The following TRPM2 variants were observed in gnomAD, a reference collection of about 807,000 sequenced individuals.
The protein encoded by TRPM2 is transient receptor potential cation channel subfamily M member 2.
A neutral mutation model predicts 174.0 loss-of-function variants in TRPM2; 161 were observed. The observed-to-expected ratio is 0.93, with a 90% CI of 0.81 to 1.05. The LOEUF is 1.05. TRPM2 is among the 50% of genes least tolerant of loss of function. The probability of loss-of-function intolerance (pLI) is 0.00; values close to 1 mark genes in which losing one functional copy is unlikely to be tolerated. For synonymous variants in TRPM2, 954 were observed against 861.3 expected (o/e 1.11, Z -1.88); for missense variants, 2,057 against 2,038.0 (o/e 1.01, Z -0.18).
intron 7 of TRPM2, among the ~76,000 whole-genome samples, 181 bp downstream of exon 7, chr21:44,377,954 G>A (rs1223213306): frequency 2.0e-5 from 3 of 152,254 alleles, no homozygotes; most frequent in African/African-American, 7.2e-5. Context: ...GGTGGAGGAC[G>A]GGTCGGAGGA....
intron 19 of TRPM2, among the ~76,000 whole-genome samples, chr21:44,407,029 G>A (rs2049914142): frequency 6.7e-6 from 1 of 149,528 alleles, no homozygotes; most frequent in South Asian, 2.1e-4. Context: ...GGCACCTGGG[G>A]CATCAGCTGA....
intron 16 of TRPM2, among the ~76,000 whole-genome samples, chr21:44,404,385 A>ACT (rs1223085309): frequency 6.6e-6 from 1 of 151,618 alleles, no homozygotes; most frequent in Non-Finnish European, 1.5e-5. Flanking sequence ...ATACATACAC[A>ACT]CACATATGTG....
rs571874074 is a variant in TRPM2 at position 44,440,684 on chromosome 21, C to T, written c.4270-105C>T. ...GAGCTGGGCCGGGGTCCTGTGTGTG[C>T]TGGAAGCTGTGCTCAGAGCTGGGTC... On this transcript the variant is annotated intron_variant, in intron 30 of 31. Transcript: ENST00000397928. The T allele has an allele frequency of 9.3e-6, 9 of 967,390 alleles. No homozygotes were observed. The African/African-American group carries it at 9.5e-5, about 10-fold the overall frequency. 59.9% of individuals were successfully genotyped at this position (967,390 alleles called of 1,614,324 possible). A position where few individuals can be genotyped will look rare whatever the true frequency, so the allele number is the denominator to read the frequency against.
At chr21:44,412,487 T>A (rs2050139483) in intron 19 of TRPM2, among the ~76,000 whole-genome samples, 14 of 152,182 alleles carry the variant, frequency 9.2e-5, no homozygotes. Flanking sequence ...TCTCTCTTTT[T>A]TTCCTTGATC....
At position 44,376,668 on chromosome 21, in the gene TRPM2, C is replaced by T. The variant is rs963327299; in HGVS notation, c.952+655C>T. ...AGGTGGGATGGGATGGGTTTGAGGA[C>T]GTCGGGAGGTCAAGTGCGGGGTTTT... On this transcript the variant is annotated intron_variant, in intron 6 of 31. Transcript: ENST00000397928. The surrounding 1 kb of genome is among the most constrained non-coding windows in gnomAD (Gnocchi z 4.2). 4.6e-5 allele frequency among the ~76,000 whole-genome samples: 7 copies of T among 152,090 alleles called. No homozygotes were observed. The highest frequency in any genetic ancestry group is 7.4e-5 in the Non-Finnish European group (5 of 68,012).
rs2048680855 is a variant in TRPM2 at position 44,375,823 on chromosome 21, G to A, written c.772-10G>A. 6.2e-7 allele frequency: 1 copy of A among 1,605,572 alleles called. No individual in the cohort carries two copies. The highest frequency in any genetic ancestry group is 1.7e-5 in the Admixed American group (1 of 59,700). Reference sequence around the variant, plus strand: ...CAGAAGCAGTGTCTGACGCTTCCTGGCCATCCCAGGGCAGCTTCCCCGCCG... The same window carrying A: ...CAGAAGCAGTGTCTGACGCTTCCTGACCATCCCAGGGCAGCTTCCCCGCCG... On this transcript the variant is annotated splice_polypyrimidine_tract_variant and intron_variant, in intron 5 of 31. Coordinates refer to ENST00000397928, the MANE Select transcript of TRPM2 (RefSeq NM_003307.4).
chr21:44,374,458 T>C (rs1355458413), intron 5 of TRPM2, among the ~76,000 whole-genome samples: 9 of 152,188 alleles, frequency 5.9e-5, no homozygotes, highest in Non-Finnish European at 1.5e-5. Flanking sequence ...TTGTGCACTT[T>C]ATTTCTATTA....
rs1185190551 is a variant in TRPM2, at chr21:44,377,712, G to A, written c.953G>A (p.Gly318Asp). 3.7e-6 allele frequency: 6 copies of A among 1,614,138 alleles called. No homozygotes were observed. Among genetic ancestry groups the A allele is most frequent in the Non-Finnish European group, 5.1e-6 (6 of 1,180,038 alleles). Residue 318 changes from glycine to aspartate, a missense_variant and splice_region_variant, in exon 7 of 32, where the codon GGT becomes GAT. Gly to Asp is a moderately conservative substitution (Grantham distance 94). Transcript: ENST00000397928. ...FISEQTKERGGVAIKIPIVCV... is the reference protein window; with the variant it reads ...FISEQTKERGDVAIKIPIVCV... Reference sequence around the variant, plus strand: ...TCACTCGGCTGTGTGCTTTTTCTAGGTGTGGCCATCAAGATCCCCATCGTG... The same window carrying A: ...TCACTCGGCTGTGTGCTTTTTCTAGATGTGGCCATCAAGATCCCCATCGTG...
intron 27 of TRPM2, among the ~76,000 whole-genome samples, chr21:44,433,933 C>T (rs1435892417): frequency 6.6e-6 from 1 of 152,150 alleles, no homozygotes; most frequent in Non-Finnish European, 1.5e-5. Flanking sequence ...AGAGGAGGGG[C>T]TGGGTGGAGG....
intron 7 of TRPM2, among the ~76,000 whole-genome samples, chr21:44,378,492 A>T (rs1012600180): frequency 1.3e-5 from 2 of 152,020 alleles, no homozygotes; most frequent in Non-Finnish European, 2.9e-5. Flanking sequence ...CGTGCCGAGT[A>T]CCCTTCACGG....
intron 2 of TRPM2, among the ~76,000 whole-genome samples, chr21:44,357,379 C>T (rs1186681871): frequency 6.6e-6 from 1 of 152,154 alleles, no homozygotes; most frequent in East Asian, 1.9e-4. Flanking sequence ...CTGGAGGTCC[C>T]CAAAGCCATC....
At chr21:44,402,547 C>T (rs1312664865) in intron 16 of TRPM2, among the ~76,000 whole-genome samples, 1 of 152,172 alleles carries the variant, frequency 6.6e-6, no homozygotes, top group African/African-American at 2.4e-5. Context: ...ACATGGTTGA[C>T]CTCAGTCTCC....
rs1602161878 is a variant in TRPM2, at chr21:44,376,131, C to A, written c.952+118C>A. The A allele has an allele frequency of 2.4e-6, 3 of 1,250,254 alleles. No individual in the cohort carries two copies. Among genetic ancestry groups the A allele is most frequent in the Non-Finnish European group, 3.3e-6 (3 of 902,826 alleles). 77.4% of individuals were successfully genotyped at this position (1,250,254 alleles called of 1,614,324 possible). A position where few individuals can be genotyped will look rare whatever the true frequency, so the allele number is the denominator to read the frequency against. On this transcript the variant is annotated intron_variant, in intron 6 of 31. Coordinates refer to ENST00000397928, the MANE Select transcript of TRPM2 (RefSeq NM_003307.4). The surrounding 1 kb of genome is among the most constrained non-coding windows in gnomAD (Gnocchi z 4.2). ...CAGGCCTGGCGTTTGGCAGAGAGTG[C>A]AGTGGGCTGGTCAGAGTGTCAGGTA...
In TRPM2 at chr21:44,427,121, C is replaced by T. The variant is rs369457986; in HGVS notation, c.3974+10C>T. 14 of 1,572,842 alleles carry T rather than the reference C, an allele frequency of 8.9e-6. No individual in the cohort carries two copies. Among genetic ancestry groups the T allele is most frequent in the Non-Finnish European group, 1.1e-5 (13 of 1,158,806 alleles). On this transcript the variant is annotated intron_variant, in intron 27 of 31. Transcript: ENST00000397928. ...AGGCCGGGTTGCCCCTGTGAGTGTG[C>T]CCCCTGCGGGCCCCGCCCCGTCAGC...
chr21:44,358,669 G>A (rs2048124080), intron 2 of TRPM2, among the ~76,000 whole-genome samples: 2 of 152,180 alleles, frequency 1.3e-5, no homozygotes, highest in Non-Finnish European at 2.9e-5. Flanking sequence ...AACATACAAG[G>A]ACATTTGGGG....
At chr21:44,374,378 G>T (rs117884583) in intron 5 of TRPM2, among the ~76,000 whole-genome samples, 1 of 152,326 alleles carries the variant, frequency 6.6e-6, no homozygotes. Context: ...TCGTGGAAGA[G>T]AGTTTTTCCA....
chr21:44,372,707 C>G (rs2048575038), intron 5 of TRPM2, among the ~76,000 whole-genome samples: 1 of 152,070 alleles, frequency 6.6e-6, no homozygotes, highest in Admixed American at 6.5e-5. Context: ...CACTCTCATT[C>G]CCAATGGGGG....
intron 2 of TRPM2, among the ~76,000 whole-genome samples, chr21:44,361,011 A>T (rs2048193085): frequency 6.6e-6 from 1 of 152,076 alleles, no homozygotes; most frequent in Non-Finnish European, 1.5e-5. Flanking sequence ...TGCAACCACC[A>T]GTCTTTCTTC....
intron 27 of TRPM2, among the ~76,000 whole-genome samples, chr21:44,427,696 G>A (rs1447730047): frequency 3.3e-5 from 5 of 152,190 alleles, no homozygotes; most frequent in African/African-American, 9.7e-5. Flanking sequence ...GGGATGTGGG[G>A]CATGAACCAT....
Sources: allele counts gnomAD v4.1 joint callset (sites outside exome capture counted in the v4.1 genomes callset), GRCh38; gene constraint gnomAD v4.1.1; non-coding constraint Gnocchi (gnomAD v3.1); transcripts MANE v1.5; gene names NCBI Gene and HGNC (gene_info 2026-07-23, HGNC 2026-07-21).